Variants in NFATC3 observed in about 807,000 individuals in gnomAD.
NFATC3 encodes the protein nuclear factor of activated T-cells, cytoplasmic 3.
In NFATC3, 46 loss-of-function variants were observed where a neutral mutation model predicts 98.6. The ratio of observed to expected loss-of-function variants is 0.47; its 90% CI spans 0.37 to 0.60. NFATC3 has a LOEUF of 0.60. Ranked by LOEUF, NFATC3 falls within the 20% of genes least tolerant of loss-of-function variation. The probability of loss-of-function intolerance (pLI) is 0.00; values close to 1 mark genes in which losing one functional copy is unlikely to be tolerated. For synonymous variants in NFATC3, 512 were observed against 472.2 expected (o/e 1.08, Z -1.09); for missense variants, 1,256 against 1,295.5 (o/e 0.97, Z 0.47).
rs866929539 is a variant in NFATC3 at position 68,122,741 on chromosome 16, C to T, written c.858C>T (p.Ser286=). 6 of 1,614,104 alleles carry T rather than the reference C, an allele frequency of 3.7e-6. No individual in the cohort carries two copies. In the African/African-American group the frequency reaches 4.0e-5, roughly 11 times the overall value. Residue 286 remains serine, a synonymous_variant, in exon 2 of 10, where the codon TCC becomes TCT. Coordinates refer to ENST00000346183, the MANE Select transcript of NFATC3 (RefSeq NM_173165.3). The part of the protein sequence containing the change: ...HSSAEVCYAG[S]LSPHHSPVPS... ...GTGCTGAAGTTTGTTATGCTGGGTCCCTTTCACCCCATCACTCACCTGTTC... is the reference window on the plus strand; with the variant it reads ...GTGCTGAAGTTTGTTATGCTGGGTCTCTTTCACCCCATCACTCACCTGTTC...
chr16:68,098,297 A>ATT lies in NFATC3; in HGVS notation c.103+12514_103+12515dup, dbSNP rs71382032. ...TATTATTATTATTATTATTATTATT[A>ATT]TTATTTTTTTTTTTTTTTTTTTAGA... On this transcript the variant is annotated intron_variant, in intron 1 of 9. Coordinates refer to ENST00000346183, the MANE Select transcript of NFATC3 (RefSeq NM_173165.3). Among the ~76,000 whole-genome samples the ATT allele has an allele frequency of 3.5e-4, 36 of 101,430 alleles. 1 individual carries two copies. Among genetic ancestry groups the ATT allele is most frequent in the African/African-American group, 7.8e-4 (18 of 23,074 alleles). 66.5% of individuals were successfully genotyped at this position (101,430 alleles called of 152,430 possible).
intron 9 of NFATC3, among the ~76,000 whole-genome samples, chr16:68,207,371 G>A (rs1033884858): frequency 2.0e-5 from 3 of 152,034 alleles, no homozygotes; most frequent in Non-Finnish European, 4.4e-5. Flanking sequence ...TAATGCTGCT[G>A]TGAACACTGG....
At chr16:68,177,059 T>C (rs1203643796) in intron 6 of NFATC3, among the ~76,000 whole-genome samples, 4 of 151,650 alleles carry the variant, frequency 2.6e-5, no homozygotes. Flanking sequence ...TTTTTTAATT[T>C]TGGGATGGAG....
chr16:68,161,097 T>C (rs963743014), intron 4 of NFATC3, among the ~76,000 whole-genome samples: 17 of 152,344 alleles, frequency 1.1e-4, no homozygotes, highest in African/African-American at 4.1e-4. Context: ...CCAGGCATCC[T>C]ATTGGACACA....
intron 9 of NFATC3, chr16:68,217,658 G>T: frequency 5.7e-6 from 7 of 1,231,092 alleles, no homozygotes; most frequent in Non-Finnish European, 7.1e-6. Flanking sequence ...CACACCTCAT[G>T]ATAATTCAGA....
At chr16:68,138,065 C>T (rs117751972) in intron 3 of NFATC3, among the ~76,000 whole-genome samples, 16,116 of 151,910 alleles carry the variant, frequency 0.11, 981 homozygotes, top group South Asian at 0.19. Context: ...GACAGAGTCT[C>T]GTGCTGTTGC....
Position 68,191,264 on chromosome 16 carries a change from C to T in NFATC3, c.2595C>T (p.Leu865=), listed in dbSNP as rs2040408846. Residue 865 remains leucine (L), a synonymous_variant, in exon 9 of 10, where the codon CTC becomes CTT. Coordinates refer to ENST00000346183, the MANE Select transcript of NFATC3 (RefSeq NM_173165.3). ...CAAATTCAGGCTCAACAGGACATCT[C>T]TTAGCCCATACACCTCATTCTGTGC... ...HSSNSGSTGH[L]LAHTPHSVHT... The T allele has an allele frequency of 6.2e-7, 1 of 1,614,214 alleles. No individual in the cohort carries two copies. Among genetic ancestry groups the T allele is most frequent in the East Asian group, 2.2e-5 (1 of 44,888 alleles).
At chr16:68,112,946 A>G (rs2036062647) in intron 1 of NFATC3, among the ~76,000 whole-genome samples, 1 of 152,022 alleles carries the variant, frequency 6.6e-6, no homozygotes, top group African/African-American at 2.4e-5. Context: ...CAGGTCATTT[A>G]TGTTCCTCTG....
At chr16:68,121,290 AG>A (rs1256801272) in intron 1 of NFATC3, among the ~76,000 whole-genome samples, 2 of 126,826 alleles carry the variant, frequency 1.6e-5, no homozygotes, top group East Asian at 4.6e-4. Context: ...TGTGTCACCC[AG>A]GCTGGAGTAC....
At chr16:68,206,739 T>C (rs1299365922) in intron 9 of NFATC3, among the ~76,000 whole-genome samples, 21 of 152,078 alleles carry the variant, frequency 1.4e-4, no homozygotes, top group Non-Finnish European at 2.8e-4. Flanking sequence ...TCCCAGCACA[T>C]TGGGAAGCTG....
rs11647184 is a variant in NFATC3, at chr16:68,144,979, A to T, written c.1402-12890A>T. Among the ~76,000 whole-genome samples the T allele has an allele frequency of 1.3e-3, 199 of 151,636 alleles. 1 individual carries two copies. Among genetic ancestry groups the T allele is most frequent in the Non-Finnish European group, 1.2e-3 (81 of 67,862 alleles). ...GGCTGCCTCAACCTGATTTTTAAAA[A>T]TTTTTTTCGTAGAGATGGCAATCTC... On this transcript the variant is annotated intron_variant, in intron 3 of 9. Coordinates refer to ENST00000346183, the MANE Select transcript of NFATC3 (RefSeq NM_173165.3).
rs191583264 is a variant in NFATC3 at position 68,154,437 on chromosome 16, G to A, written c.1402-3432G>A. Among the ~76,000 whole-genome samples, 7 of 152,254 alleles carry A rather than the reference G, an allele frequency of 4.6e-5. No homozygotes were observed. In the East Asian group the frequency reaches 1.4e-3, roughly 29 times the overall value. On this transcript the variant is annotated intron_variant, in intron 3 of 9. Transcript: ENST00000346183. ...AACTTTCAGCACCCATGATTTAAGT[G>A]CCTCAGCCCTCTTAACTTGTTTCCA...
At chr16:68,129,671 C>CTTTTT (rs568596333) in intron 3 of NFATC3, among the ~76,000 whole-genome samples, 5 of 127,826 alleles carry the variant, frequency 3.9e-5, no homozygotes, top group Admixed American at 7.9e-5. Context: ...TGCTCCCCGC[C>CTTTTT]TTTTTTTTTT....
chr16:68,185,027 G>C (rs2040124133), intron 8 of NFATC3, among the ~76,000 whole-genome samples: 1 of 151,446 alleles, frequency 6.6e-6, no homozygotes. Flanking sequence ...TGTTGCTCAG[G>C]CTTGAGTACA....
At chr16:68,176,690 T>C (rs1182927736) in intron 6 of NFATC3, among the ~76,000 whole-genome samples, 1 of 152,204 alleles carries the variant, frequency 6.6e-6, no homozygotes, top group African/African-American at 2.4e-5. Flanking sequence ...ACCATTAATA[T>C]TTCATTTACT....
chr16:68,112,303 A>T (rs1598382509), intron 1 of NFATC3, among the ~76,000 whole-genome samples: 2 of 91,672 alleles, frequency 2.2e-5, no homozygotes, highest in South Asian at 3.9e-4. Flanking sequence ...TTTGAGATGG[A>T]GTCTTGCTGT....
In NFATC3 at chr16:68,191,795, G is replaced by A. The variant is rs763200648; in HGVS notation, c.3106+20G>A. The A allele has an allele frequency of 1.2e-6, 2 of 1,611,788 alleles. No homozygotes were observed. The highest frequency in any genetic ancestry group is 2.2e-5 in the South Asian group (2 of 90,996). On this transcript the variant is annotated intron_variant, in intron 9 of 9. Coordinates refer to ENST00000346183, the MANE Select transcript of NFATC3 (RefSeq NM_173165.3). The stretch of plus-strand genomic sequence containing the variant: ...ATGATGGTAAGTTCATCTCTGATAT[G>A]TTCTTGAAGTAGTGAAGATTCAGGG...
At chr16:68,170,749 T>A (rs2039421913) in intron 5 of NFATC3, among the ~76,000 whole-genome samples, 1 of 152,124 alleles carries the variant, frequency 6.6e-6, no homozygotes, top group South Asian at 2.1e-4. Flanking sequence ...CACCTCAGCC[T>A]CCCAAAGTGC....
intron 3 of NFATC3, chr16:68,138,682 C>T (rs1328669418): frequency 1.6e-6 from 2 of 1,286,822 alleles, no homozygotes; most frequent in Admixed American, 4.6e-5. Context: ...TCACATGGCC[C>T]TACTTACATG....
Sources: allele counts gnomAD v4.1 joint callset (sites outside exome capture counted in the v4.1 genomes callset), GRCh38; gene constraint gnomAD v4.1.1; transcripts MANE v1.5; gene names NCBI Gene and HGNC (gene_info 2026-07-23, HGNC 2026-07-21).